Variants in KCNQ1OT1 observed in about 807,000 individuals in gnomAD.
KCNQ1OT1 encodes KCNQ1 opposite strand/antisense transcript 1.
At position 2,652,198 on chromosome 11, in the gene KCNQ1OT1, A is replaced by G. The variant is rs933371729; in HGVS notation, n.47797T>C. ...GCCCCAGCAGATGTCTGGATTTGGT[A>G]GCCAGGGCCTGGAGCCGGATGCTGA... On this transcript the variant is annotated non_coding_transcript_exon_variant, in exon 1 of 1. Coordinates refer to ENST00000597346, the Ensembl canonical transcript of KCNQ1OT1. The surrounding 1 kb of genome is among the most constrained non-coding windows in gnomAD (Gnocchi z 5.9). 5.0e-6 allele frequency: 2 copies of G among 398,494 alleles called. No homozygotes were observed. Among genetic ancestry groups the G allele is most frequent in the African/African-American group, 4.1e-5 (2 of 48,620 alleles). The allele number at this position is 398,494 out of a possible 1,614,324, so 24.7% of individuals were successfully genotyped here.
At chr11:2,636,240 A>G (rs1187233521) in exon 1 of KCNQ1OT1, 1 of 152,152 alleles carries the variant, frequency 6.6e-6, no homozygotes, top group African/African-American at 2.4e-5. Context: ...GAGTGGTGAG[A>G]GAGGGCATCC....
exon 1 of KCNQ1OT1, chr11:2,662,112 G>A (rs758842606): frequency 6.2e-7 from 1 of 1,613,912 alleles, no homozygotes; most frequent in South Asian, 1.1e-5. Context: ...GAAGGGCTGG[G>A]CTGGAGGGGA....
At position 2,608,606 on chromosome 11, in the gene KCNQ1OT1, T is replaced by C; in HGVS notation, n.91389A>G. The C allele has an allele frequency of 2.5e-6, 1 of 398,506 alleles. No individual in the cohort carries two copies. Among genetic ancestry groups the C allele is most frequent in the Non-Finnish European group, 4.4e-6 (1 of 226,058 alleles). 24.7% of individuals were successfully genotyped at this position (398,506 alleles called of 1,614,324 possible). ...TCCTTGCCCCTTAGCCTATGACAGG[T>C]GTGCACCACAACACCAGCTGTTATT... On this transcript the variant is annotated non_coding_transcript_exon_variant, in exon 1 of 1. Transcript: ENST00000597346. This position sits in a 1 kb window ranked among gnomAD's most constrained non-coding sequence, Gnocchi z 4.6.
rs1264985867 is a variant in KCNQ1OT1, at chr11:2,664,833, A to C, written n.35162T>G. 2.5e-6 allele frequency: 1 copy of C among 398,668 alleles called. No individual in the cohort carries two copies. The highest frequency in any genetic ancestry group is 2.1e-5 in the African/African-American group (1 of 48,738). 24.7% of individuals were successfully genotyped at this position (398,668 alleles called of 1,614,324 possible). On this transcript the variant is annotated non_coding_transcript_exon_variant, in exon 1 of 1. Coordinates refer to ENST00000597346, the Ensembl canonical transcript of KCNQ1OT1. This position sits in a 1 kb window ranked among gnomAD's most constrained non-coding sequence, Gnocchi z 5.1. The stretch of plus-strand genomic sequence containing the variant: ...TTTCTTCAGCATTCTACTGATGTTA[A>C]ATGTATTACCATGCTGGGCCAGTTC...
Position 2,620,216 on chromosome 11 carries a change from T to TTA in KCNQ1OT1, n.79778_79779insTA, listed in dbSNP as rs1849144824. 7.2e-6 allele frequency: 2 copies of TTA among 277,704 alleles called. No homozygotes were observed. The highest frequency in any genetic ancestry group is 4.5e-5 in the African/African-American group (2 of 44,306). 17.2% of individuals were successfully genotyped at this position (277,704 alleles called of 1,614,324 possible). On this transcript the variant is annotated non_coding_transcript_exon_variant, in exon 1 of 1. Coordinates refer to ENST00000597346, the Ensembl canonical transcript of KCNQ1OT1. This position sits in a 1 kb window ranked among gnomAD's most constrained non-coding sequence, Gnocchi z 4.5. ...TCATTCATGTATATATATATATTTT[T>TTA]TTTTTTTATTTTTTTTTTAGACGGA...
chr11:2,662,303 T>A (rs1269052181), exon 1 of KCNQ1OT1: 5 of 603,728 alleles, frequency 8.3e-6, no homozygotes, highest in Non-Finnish European at 1.5e-5. Flanking sequence ...TTGTTTTGAC[T>A]TATGGAAAAC....
chr11:2,611,743 A>C lies in KCNQ1OT1; in HGVS notation n.88252T>G. On this transcript the variant is annotated non_coding_transcript_exon_variant, in exon 1 of 1. Transcript: ENST00000597346. This position sits in a 1 kb window ranked among gnomAD's most constrained non-coding sequence, Gnocchi z 5.3. ...TGATATGGAAGGATTTATATCTACC[A>C]TGTTGTTATTTATTTTCTATATGTC... The C allele has an allele frequency of 5.0e-6, 2 of 398,310 alleles. No homozygotes were observed. Among genetic ancestry groups the C allele is most frequent in the East Asian group, 7.1e-5 (2 of 28,054 alleles). The allele number at this position is 398,310 out of a possible 1,614,324, so 24.7% of individuals were successfully genotyped here. A position where few individuals can be genotyped will look rare whatever the true frequency, so the allele number is the denominator to read the frequency against.
At chr11:2,616,599 T>G (rs1054800045) in exon 1 of KCNQ1OT1, 11 of 398,064 alleles carry the variant, frequency 2.8e-5, no homozygotes, top group Non-Finnish European at 4.9e-5. Context: ...CATTTTCACT[T>G]TTTGAAAGTA....
exon 1 of KCNQ1OT1, chr11:2,610,793 T>C (rs1848968648): frequency 2.6e-6 from 1 of 377,846 alleles, no homozygotes. Flanking sequence ...TGGGTACCAC[T>C]GTTTCTGACG....
chr11:2,617,949 T>G lies in KCNQ1OT1; in HGVS notation n.82046A>C. 2.5e-6 allele frequency: 1 copy of G among 398,588 alleles called. No homozygotes were observed. Among genetic ancestry groups the G allele is most frequent in the Non-Finnish European group, 4.4e-6 (1 of 226,042 alleles). The allele number at this position is 398,588 out of a possible 1,614,324, so 24.7% of individuals were successfully genotyped here. A position where few individuals can be genotyped will look rare whatever the true frequency, so the allele number is the denominator to read the frequency against. ...TTGGATATTATCCTCTTATAAGATA[T>G]ATGGTTGGCAAATATTTTCTTCTAG... On this transcript the variant is annotated non_coding_transcript_exon_variant, in exon 1 of 1. Transcript: ENST00000597346. This position sits in a 1 kb window ranked among gnomAD's most constrained non-coding sequence, Gnocchi z 4.6.
In KCNQ1OT1 at chr11:2,661,199, CTT is replaced by C. The variant is rs1395253905; in HGVS notation, n.38794_38795del. On this transcript the variant is annotated non_coding_transcript_exon_variant, in exon 1 of 1. Transcript: ENST00000597346. This position sits in a 1 kb window ranked among gnomAD's most constrained non-coding sequence, Gnocchi z 5.9. ...TTGGGGGAGGAAAGCCATTGTGAAT[CTT>C]TGAATTATTCCACTTCTCACAGATG... 2 of 398,472 alleles carry C rather than the reference CTT, an allele frequency of 5.0e-6. No homozygotes were observed. The highest frequency in any genetic ancestry group is 8.8e-6 in the Non-Finnish European group (2 of 226,118). The allele number at this position is 398,472 out of a possible 1,614,324, so 24.7% of individuals were successfully genotyped here.
rs940393890 is a variant in KCNQ1OT1, at chr11:2,651,608, G to T, written n.48387C>A. On this transcript the variant is annotated non_coding_transcript_exon_variant, in exon 1 of 1. Coordinates refer to ENST00000597346, the Ensembl canonical transcript of KCNQ1OT1. This position sits in a 1 kb window ranked among gnomAD's most constrained non-coding sequence, Gnocchi z 6.1. ...GCCTGCCACATAGCAGGTCCTCCAA[G>T]ATTTGCTGATCTGCCTGCCCCACCT... is the stretch of plus-strand genomic sequence containing the variant. 2.5e-6 allele frequency: 1 copy of T among 398,578 alleles called. No homozygotes were observed. The highest frequency in any genetic ancestry group is 4.4e-6 in the Non-Finnish European group (1 of 226,130). The allele number at this position is 398,578 out of a possible 1,614,324, so 24.7% of individuals were successfully genotyped here. A position where few individuals can be genotyped will look rare whatever the true frequency, so the allele number is the denominator to read the frequency against.
chr11:2,627,127 C>CT lies in KCNQ1OT1; in HGVS notation n.72867dup. ...GTTTTGTAATTTTCATTGTACAAGA[C>CT]TTTCACCTCCTTGGTAAAGTTGGTT... On this transcript the variant is annotated non_coding_transcript_exon_variant, in exon 1 of 1. Coordinates refer to ENST00000597346, the Ensembl canonical transcript of KCNQ1OT1. The surrounding 1 kb of genome is among the most constrained non-coding windows in gnomAD (Gnocchi z 4.9). 2.5e-6 allele frequency: 1 copy of CT among 398,468 alleles called. No homozygotes were observed. The highest frequency in any genetic ancestry group is 4.4e-6 in the Non-Finnish European group (1 of 226,040). 24.7% of individuals were successfully genotyped at this position (398,468 alleles called of 1,614,324 possible). A position where few individuals can be genotyped will look rare whatever the true frequency, so the allele number is the denominator to read the frequency against.
chr11:2,674,826 GT>G lies in KCNQ1OT1; in HGVS notation n.25168del, dbSNP rs368696639. ...GGAAAGGCTTGTCACCCTAATAGCTGTTTTTTAAAAAAAAAAAAAAAAAAAA... is the reference window on the plus strand; with the variant it reads ...GGAAAGGCTTGTCACCCTAATAGCTGTTTTTAAAAAAAAAAAAAAAAAAAA... On this transcript the variant is annotated non_coding_transcript_exon_variant, in exon 1 of 1. Coordinates refer to ENST00000597346, the Ensembl canonical transcript of KCNQ1OT1. The surrounding 1 kb of genome is among the most constrained non-coding windows in gnomAD (Gnocchi z 5.9). 1.0e-3 allele frequency: 221 copies of G among 218,540 alleles called. 1 individual carries two copies. The highest frequency in any genetic ancestry group is 2.9e-3 in the South Asian group (9 of 3,150). 13.5% of individuals were successfully genotyped at this position (218,540 alleles called of 1,614,324 possible).
exon 1 of KCNQ1OT1, chr11:2,637,482 C>T (rs139061123): frequency 2.6e-5 from 4 of 152,088 alleles, no homozygotes; most frequent in Admixed American, 2.0e-4. Flanking sequence ...GTTTCCATGT[C>T]GTTGAGCGGT....
In KCNQ1OT1 at chr11:2,677,742, G is replaced by A. The variant is rs1021292244; in HGVS notation, n.22253C>T. 43 of 398,254 alleles carry A rather than the reference G, an allele frequency of 1.1e-4. No homozygotes were observed. The highest frequency in any genetic ancestry group is 3.5e-4 in the African/African-American group (17 of 48,646). 24.7% of individuals were successfully genotyped at this position (398,254 alleles called of 1,614,324 possible). A position where few individuals can be genotyped will look rare whatever the true frequency, so the allele number is the denominator to read the frequency against. On this transcript the variant is annotated non_coding_transcript_exon_variant, in exon 1 of 1. Coordinates refer to ENST00000597346, the Ensembl canonical transcript of KCNQ1OT1. The surrounding 1 kb of genome is among the most constrained non-coding windows in gnomAD (Gnocchi z 4.5). The stretch of plus-strand genomic sequence containing the variant: ...TCTCTATTGTAAAATTTTGGTCTCC[G>A]TTTTCAGTGGATTTACTTTAAGAGA...
At chr11:2,696,549 T>C (rs1481156180) in exon 1 of KCNQ1OT1, 1 of 398,536 alleles carries the variant, frequency 2.5e-6, no homozygotes, top group African/African-American at 2.1e-5. Flanking sequence ...TTTACAAATA[T>C]TTTTCTTCCA....
Position 2,620,994 on chromosome 11 carries a change from T to C in KCNQ1OT1, n.79001A>G. 2.5e-6 allele frequency: 1 copy of C among 397,920 alleles called. No homozygotes were observed. Among genetic ancestry groups the C allele is most frequent in the Non-Finnish European group, 4.4e-6 (1 of 226,052 alleles). 24.6% of individuals were successfully genotyped at this position (397,920 alleles called of 1,614,324 possible). ...GCTTTTTTGTTTGTTTGTTTGTTTT[T>C]TGAGAAAGAGTCTTGCTCTGTCTCC... On this transcript the variant is annotated non_coding_transcript_exon_variant, in exon 1 of 1. Transcript: ENST00000597346. This position sits in a 1 kb window ranked among gnomAD's most constrained non-coding sequence, Gnocchi z 4.5.
Position 2,624,716 on chromosome 11 carries a change from A to G in KCNQ1OT1, n.75279T>C, listed in dbSNP as rs759320876. ...TTGTCATTTGTAATTATGAAACTCT[A>G]TATCCATTAAACAATAATTCCCCAA... On this transcript the variant is annotated non_coding_transcript_exon_variant, in exon 1 of 1. Transcript: ENST00000597346. This position sits in a 1 kb window ranked among gnomAD's most constrained non-coding sequence, Gnocchi z 4.9. The G allele has an allele frequency of 3.0e-5, 12 of 398,388 alleles. No individual in the cohort carries two copies. Among genetic ancestry groups the G allele is most frequent in the South Asian group, 1.3e-4 (1 of 7,846 alleles). 24.7% of individuals were successfully genotyped at this position (398,388 alleles called of 1,614,324 possible).
Sources: allele counts gnomAD v4.1 joint callset, GRCh38; gene constraint gnomAD v4.1.1; non-coding constraint Gnocchi (gnomAD v3.1); transcripts MANE v1.5; gene names NCBI Gene and HGNC (gene_info 2026-07-23, HGNC 2026-07-21).